The following USP32 variants were observed in gnomAD, a reference collection of about 807,000 sequenced individuals.
USP32 encodes ubiquitin carboxyl-terminal hydrolase 32.
USP32 carries 59 observed loss-of-function variants against 204.8 expected under a neutral mutation model. The ratio of observed to expected loss-of-function variants is 0.29; its 90% CI spans 0.23 to 0.36. The LOEUF (loss-of-function observed/expected upper bound fraction) is 0.36. USP32 is among the 10% of genes least tolerant of loss of function. The pLI is 1.00. For synonymous variants in USP32, 517 were observed against 678.4 expected (o/e 0.76, Z 3.70); for missense variants, 1,160 against 1,946.4 (o/e 0.60, Z 7.60).
intron 7 of USP32, among the ~76,000 whole-genome samples, chr17:60,268,692 T>C (rs1598170903): frequency 6.8e-6 from 1 of 146,168 alleles, no homozygotes; most frequent in Non-Finnish European, 1.5e-5. Flanking sequence ...GGAATAAAAA[T>C]AGAGATTTGA....
intron 12 of USP32, among the ~76,000 whole-genome samples, 178 bp downstream of exon 12, chr17:60,235,960 C>G (rs538230232): frequency 6.6e-6 from 1 of 152,308 alleles, no homozygotes. Context: ...GAAGTGTAAT[C>G]ACAAAGCCTA....
intron 11 of USP32, among the ~76,000 whole-genome samples, chr17:60,239,200 A>G (rs907013461): frequency 1.3e-5 from 2 of 152,170 alleles, no homozygotes; most frequent in Non-Finnish European, 2.9e-5. Context: ...GAAACATGCT[A>G]TTAATTTTAT....
At position 60,191,786 on chromosome 17, in the gene USP32, C is replaced by T. The variant is rs186828300; in HGVS notation, c.3521+1058G>A. ...CACCTCCCAAAGTGCTGGGATTACA[C>T]GCGTGAGCCACCACGCCTGGCCAAT... On this transcript the variant is annotated intron_variant, in intron 28 of 33. Transcript: ENST00000300896. Among the ~76,000 whole-genome samples the T allele has an allele frequency of 5.1e-3, 778 of 151,794 alleles. 23 individuals carry two copies. The highest frequency in any genetic ancestry group is 0.038 in the Admixed American group (584 of 15,244).
rs902947114 is a variant in USP32 at position 60,193,530 on chromosome 17, C to G, written c.3435-600G>C. 2.6e-5 allele frequency among the ~76,000 whole-genome samples: 4 copies of G among 152,072 alleles called. No individual in the cohort carries two copies. In the East Asian group the frequency reaches 7.7e-4, roughly 29 times the overall value. On this transcript the variant is annotated intron_variant, in intron 27 of 33. Transcript: ENST00000300896. ...ATCCTTGCCCTAACAAGGAGCAATG[C>G]AACAATTTATACATATTATCAAAAC...
At position 60,370,719 on chromosome 17, in the gene USP32, A is replaced by G. The variant is rs182689115; in HGVS notation, c.58+21163T>C. On this transcript the variant is annotated intron_variant, in intron 1 of 33. Coordinates refer to ENST00000300896, the MANE Select transcript of USP32 (RefSeq NM_032582.4). ...CGAGGCTACAGTGAGTTGTGATCAC[A>G]CCACTATACTCCAGCCTGAGTGACA... 1.3e-3 allele frequency among the ~76,000 whole-genome samples: 199 copies of G among 150,556 alleles called. 1 individual carries two copies. The highest frequency in any genetic ancestry group is 4.5e-3 in the African/African-American group (183 of 40,852).
At chr17:60,384,255 C>T (rs2089692040) in intron 1 of USP32, among the ~76,000 whole-genome samples, 1 of 152,224 alleles carries the variant, frequency 6.6e-6, no homozygotes, top group African/African-American at 2.4e-5. Context: ...CAGACCCTTT[C>T]ACGAGTCATC....
rs557002845 is a variant in USP32, at chr17:60,376,526, CTTTTCTTTTTTTTTT to C, written c.58+15341_58+15355del. Among the ~76,000 whole-genome samples the C allele has an allele frequency of 1.3e-3, 200 of 150,248 alleles. 1 individual carries two copies. Among genetic ancestry groups the C allele is most frequent in the African/African-American group, 4.6e-3 (187 of 40,978 alleles). On this transcript the variant is annotated intron_variant, in intron 1 of 33. Coordinates refer to ENST00000300896, the MANE Select transcript of USP32 (RefSeq NM_032582.4). ...TTTTGGGAAATTTTCTTTTTTTTTC[CTTTTCTTTTTTTTTT>C]GAGACAGAGTCTCACTCTGTCGCTC...
At chr17:60,278,582 G>T (rs1374813487) in intron 5 of USP32, among the ~76,000 whole-genome samples, 1 of 152,108 alleles carries the variant, frequency 6.6e-6, no homozygotes, top group Non-Finnish European at 1.5e-5. Context: ...AAAAGCAGTT[G>T]TGTTAAGTTT....
At chr17:60,277,752 CAGTT>C (rs1399975938) in intron 5 of USP32, among the ~76,000 whole-genome samples, 2 of 152,120 alleles carry the variant, frequency 1.3e-5, no homozygotes, top group Non-Finnish European at 2.9e-5. Flanking sequence ...AGAAATCACT[CAGTT>C]AGCAAGCTGA....
At chr17:60,212,770 T>C (rs995002086) in intron 18 of USP32, among the ~76,000 whole-genome samples, 2 of 152,060 alleles carry the variant, frequency 1.3e-5, no homozygotes, top group African/African-American at 4.8e-5. Context: ...TTTTTTTTTT[T>C]TTGAGACAGT....
intron 3 of USP32, among the ~76,000 whole-genome samples, chr17:60,297,519 G>T (rs2087463379): frequency 6.6e-6 from 1 of 151,508 alleles, no homozygotes; most frequent in Non-Finnish European, 1.5e-5. Flanking sequence ...CGCAATCTCG[G>T]CTCACTGCAA....
Position 60,207,142 on chromosome 17 carries a change from C to G in USP32, c.2926-10G>C. The G allele has an allele frequency of 6.2e-7, 1 of 1,607,312 alleles. No homozygotes were observed. On this transcript the variant is annotated splice_polypyrimidine_tract_variant and intron_variant, in intron 24 of 33. Coordinates refer to ENST00000300896, the MANE Select transcript of USP32 (RefSeq NM_032582.4). ...TGTCCTGAGGAAAGTTCTACAGAAA[C>G]AGAAGCAAGATGAGAAGGGGGAGAT...
chr17:60,248,769 T>C (rs2145696439), intron 11 of USP32, among the ~76,000 whole-genome samples: 1 of 152,342 alleles, frequency 6.6e-6, no homozygotes, highest in African/African-American at 2.4e-5. Flanking sequence ...ACAATAGTTG[T>C]ATTGAAGTCT....
Position 60,190,690 on chromosome 17 carries a change from A to T in USP32, c.3522-7T>A. On this transcript the variant is annotated splice_region_variant and splice_polypyrimidine_tract_variant and intron_variant, in intron 28 of 33. Transcript: ENST00000300896. ...TTTACAGCCTCTGCAAAATCTAAAA[A>T]GGGGGAAAAGATCCACAGAGGAAGA... 6.3e-7 allele frequency: 1 copy of T among 1,586,724 alleles called. No homozygotes were observed. The highest frequency in any genetic ancestry group is 1.7e-4 in the Middle Eastern group (1 of 6,004).
At chr17:60,262,077 A>G (rs776596796) in intron 9 of USP32, among the ~76,000 whole-genome samples, 1 of 152,202 alleles carries the variant, frequency 6.6e-6, no homozygotes, top group Non-Finnish European at 1.5e-5. Context: ...TCCCAATTTA[A>G]TGGATGTTTT....
intron 3 of USP32, among the ~76,000 whole-genome samples, chr17:60,299,474 C>T (rs2087519801): frequency 6.6e-6 from 1 of 152,160 alleles, no homozygotes; most frequent in Non-Finnish European, 1.5e-5. Flanking sequence ...CTGAATTCTT[C>T]CTTTATAAGG....
intron 1 of USP32, among the ~76,000 whole-genome samples, chr17:60,401,919 G>C (rs1598318401): frequency 6.6e-6 from 1 of 152,012 alleles, no homozygotes; most frequent in East Asian, 1.9e-4. Context: ...ATGGAGAAAG[G>C]GTTCAAATTT....
At chr17:60,321,846 A>G (rs1288795694) in intron 2 of USP32, among the ~76,000 whole-genome samples, 1 of 151,278 alleles carries the variant, frequency 6.6e-6, no homozygotes, top group Non-Finnish European at 1.5e-5. Context: ...TTAACACCTC[A>G]GTGGTAACTA....
At chr17:60,214,097 A>G (rs1205875033) in intron 17 of USP32, among the ~76,000 whole-genome samples, 1 of 151,942 alleles carries the variant, frequency 6.6e-6, no homozygotes, top group Admixed American at 6.6e-5. Flanking sequence ...TCCCACCGCC[A>G]TGCCCAGCTA....
Sources: gnomAD v4.1 joint callset for allele counts (sites outside exome capture counted in the v4.1 genomes callset) on GRCh38, gnomAD v4.1.1 for gene constraint, MANE v1.5 for transcripts, NCBI Gene and HGNC (gene_info 2026-07-23, HGNC 2026-07-21) for gene names.